Variants in ABTB3 observed in about 807,000 individuals in gnomAD.
ABTB3 encodes the protein ankyrin repeat- and BTB/POZ domain-containing protein 3.
the ABTB3 span, among the ~76,000 whole-genome samples, chr12:107,616,870 G>A: frequency 2.6e-5 from 4 of 152,234 alleles, no homozygotes; most frequent in Non-Finnish European, 5.9e-5. Flanking sequence ...AGGTGGTGCT[G>A]ATGCTGTTAT....
At chr12:107,358,595 ATTTGT>A in the ABTB3 span, among the ~76,000 whole-genome samples, 2 of 132,890 alleles carry the variant, frequency 1.5e-5, no homozygotes, top group Non-Finnish European at 3.4e-5. Flanking sequence ...TCCACCATCT[ATTTGT>A]TTTTTTTTTC....
At chr12:107,486,735 CAAAAAAAAAAAA>C in the ABTB3 span, 2 of 50,258 alleles carry the variant, frequency 4.0e-5, no homozygotes, top group Non-Finnish European at 9.6e-5. Context: ...TCTTAATAGC[CAAAAAAAAAAAA>C]AAAAAAAAAT....
At chr12:107,445,317 T>C in the ABTB3 span, among the ~76,000 whole-genome samples, 1 of 152,192 alleles carries the variant, frequency 6.6e-6, no homozygotes, top group East Asian at 1.9e-4. Context: ...TCTAAATTCA[T>C]TCACTGAATA....
At chr12:107,459,102 G>A in the ABTB3 span, among the ~76,000 whole-genome samples, 6 of 152,220 alleles carry the variant, frequency 3.9e-5, no homozygotes, top group African/African-American at 1.4e-4. Flanking sequence ...CAGTGTATCC[G>A]GCACCTCAGA....
At chr12:107,540,219 T>C in the ABTB3 span, among the ~76,000 whole-genome samples, 1 of 152,210 alleles carries the variant, frequency 6.6e-6, no homozygotes. Flanking sequence ...GGTCTGGTTC[T>C]CTCTGCCTCC....
chr12:107,418,087 G>A, the ABTB3 span, among the ~76,000 whole-genome samples: 2 of 152,204 alleles, frequency 1.3e-5, no homozygotes, highest in African/African-American at 4.8e-5. Context: ...TGTCTGTGAG[G>A]GTGTTGCCAA....
At chr12:107,414,198 T>C in the ABTB3 span, among the ~76,000 whole-genome samples, 4 of 152,298 alleles carry the variant, frequency 2.6e-5, no homozygotes, top group South Asian at 6.2e-4. Context: ...GTTCCAATAC[T>C]TTTTCAGCCA....
At chr12:107,451,099 T>G in the ABTB3 span, among the ~76,000 whole-genome samples, 336 of 152,254 alleles carry the variant, frequency 2.2e-3, 6 homozygotes, top group African/African-American at 8.0e-3. Context: ...CCTGTGATAT[T>G]ATGCAACTGC....
chr12:107,619,359 C>A, the ABTB3 span, among the ~76,000 whole-genome samples: 1 of 152,176 alleles, frequency 6.6e-6, no homozygotes, highest in Non-Finnish European at 1.5e-5. Context: ...GGAGGAAGAC[C>A]TGATGAAGTA....
At chr12:107,579,487 C>T in the ABTB3 span, among the ~76,000 whole-genome samples, 2 of 152,170 alleles carry the variant, frequency 1.3e-5, no homozygotes, top group African/African-American at 4.8e-5. Flanking sequence ...ATAACTAGCA[C>T]AGAGGTTGGT....
the ABTB3 span, among the ~76,000 whole-genome samples, chr12:107,449,136 C>T: frequency 6.6e-6 from 1 of 152,300 alleles, no homozygotes; most frequent in Admixed American, 6.5e-5. Flanking sequence ...GGGTTTCCCA[C>T]TTGTAAAATT....
the ABTB3 span, among the ~76,000 whole-genome samples, chr12:107,425,388 G>T: frequency 6.6e-6 from 1 of 152,158 alleles, no homozygotes; most frequent in African/African-American, 2.4e-5. Context: ...ATTTCCTTGT[G>T]GGGTGAGGAA....
the ABTB3 span, among the ~76,000 whole-genome samples, chr12:107,484,129 C>A: frequency 8.5e-5 from 13 of 152,322 alleles, no homozygotes; most frequent in African/African-American, 3.1e-4. Flanking sequence ...AACACAACGA[C>A]AAACATCCCT....
chr12:107,641,732 G>C, the ABTB3 span, among the ~76,000 whole-genome samples: 2 of 152,294 alleles, frequency 1.3e-5, no homozygotes, highest in South Asian at 4.2e-4. Flanking sequence ...GGGCACCCGA[G>C]GGGAGGGAGT....
chr12:107,460,235 G>C, the ABTB3 span, among the ~76,000 whole-genome samples: 2 of 152,268 alleles, frequency 1.3e-5, no homozygotes, highest in Non-Finnish European at 2.9e-5. Context: ...TTCAGCAGCT[G>C]TGTGGCTTTA....
the ABTB3 span, among the ~76,000 whole-genome samples, chr12:107,421,400 G>A: frequency 1.3e-5 from 2 of 152,202 alleles, no homozygotes; most frequent in African/African-American, 2.4e-5. Flanking sequence ...GGCAAGTACT[G>A]ACCAGATAAT....
the ABTB3 span, among the ~76,000 whole-genome samples, chr12:107,381,670 G>A: frequency 6.6e-6 from 1 of 152,218 alleles, no homozygotes; most frequent in African/African-American, 2.4e-5. Context: ...AGTTGGGGCT[G>A]TATCCTAAGG....
the ABTB3 span, among the ~76,000 whole-genome samples, chr12:107,339,380 A>G: frequency 1.6e-3 from 237 of 152,308 alleles, 1 homozygote; most frequent in African/African-American, 5.3e-3. Flanking sequence ...CCGGTGAGAG[A>G]CATGCCTCTA....
the ABTB3 span, among the ~76,000 whole-genome samples, chr12:107,563,414 T>C: frequency 0.36 from 54,907 of 152,022 alleles, 10,077 homozygotes; most frequent in Non-Finnish European, 0.38. Flanking sequence ...CTTCTGCTCT[T>C]ATGAAGCTGA....
Sources: gnomAD v4.1 joint callset for allele counts (sites outside exome capture counted in the v4.1 genomes callset) on GRCh38, gnomAD v4.1.1 for gene constraint, MANE v1.5 for transcripts, NCBI Gene and HGNC (gene_info 2026-07-23, HGNC 2026-07-21) for gene names.